Variants in RARB observed in about 807,000 individuals in gnomAD.
The protein encoded by RARB is retinoic acid receptor beta, also known as HBV-activated protein.
In RARB, 17 loss-of-function variants were observed where a neutral mutation model predicts 51.9. The ratio of observed to expected loss-of-function variants is 0.33; its 90% CI spans 0.22 to 0.49. RARB has a LOEUF of 0.49. RARB is among the 20% of genes least tolerant of loss of function. The probability of loss-of-function intolerance (pLI) is 0.99; values close to 1 mark genes in which losing one functional copy is unlikely to be tolerated. For synonymous variants in RARB, 215 were observed against 195.4 expected (o/e 1.10, Z -0.84); for missense variants, 369 against 550.8 (o/e 0.67, Z 3.30).
chr3:25,297,088 A>G (rs1246677127), intron 5 of RARB, among the ~76,000 whole-genome samples: 1 of 152,170 alleles, frequency 6.6e-6, no homozygotes, highest in Admixed American at 6.5e-5. Flanking sequence ...GTGTAGACTT[A>G]TAAGAGTTCC....
intron 2 of RARB, among the ~76,000 whole-genome samples, chr3:25,489,362 A>G (rs972015143): frequency 6.6e-6 from 1 of 152,240 alleles, no homozygotes; most frequent in Admixed American, 6.5e-5. Context: ...AATTTATGAT[A>G]TTAGAGTTTT....
chr3:25,202,058 T>C (rs2125371383), intron 5 of RARB, among the ~76,000 whole-genome samples: 1 of 152,348 alleles, frequency 6.6e-6, no homozygotes, highest in African/African-American at 2.4e-5. Flanking sequence ...TGAATCTGTC[T>C]GGTCCTGGAC....
chr3:24,895,862 C>A (rs73135570), intron 2 of RARB, among the ~76,000 whole-genome samples: 1 of 152,136 alleles, frequency 6.6e-6, no homozygotes, highest in East Asian at 1.9e-4. Flanking sequence ...CACAACCAGG[C>A]ATATACTCCC....
intron 5 of RARB, among the ~76,000 whole-genome samples, chr3:25,270,741 C>G (rs888489636): frequency 6.6e-6 from 1 of 152,130 alleles, no homozygotes; most frequent in African/African-American, 2.4e-5. Context: ...CTATTTTTAT[C>G]CCTCTAGTGC....
chr3:25,063,357 AT>A (rs1698589393), intron 3 of RARB, among the ~76,000 whole-genome samples: 1 of 152,056 alleles, frequency 6.6e-6, no homozygotes, highest in Non-Finnish European at 1.5e-5. Flanking sequence ...GAGATATCAG[AT>A]TTGAGACTCA....
At chr3:25,206,830 C>T (rs1413889810) in intron 5 of RARB, among the ~76,000 whole-genome samples, 4 of 152,152 alleles carry the variant, frequency 2.6e-5, no homozygotes, top group Non-Finnish European at 5.9e-5. Flanking sequence ...CATCCATGTT[C>T]ACCACTTACA....
At chr3:24,912,214 C>T (rs185955190) in intron 2 of RARB, among the ~76,000 whole-genome samples, 72 of 152,180 alleles carry the variant, frequency 4.7e-4, no homozygotes, top group Middle Eastern at 6.8e-3. Context: ...ATAGTGTCCA[C>T]GAGCTTTTGT....
intron 5 of RARB, among the ~76,000 whole-genome samples, chr3:25,202,212 T>G (rs1190150065): frequency 6.6e-6 from 1 of 152,214 alleles, no homozygotes; most frequent in Non-Finnish European, 1.5e-5. Flanking sequence ...ATTTTCTAGT[T>G]TATTTGCGTA....
intron 3 of RARB, among the ~76,000 whole-genome samples, chr3:25,509,913 C>T (rs1359498877): frequency 6.6e-6 from 1 of 152,162 alleles, no homozygotes; most frequent in South Asian, 2.1e-4. Context: ...CTGTGGCCTG[C>T]CTTCCTCCAG....
chr3:24,972,266 TTTCAC>T (rs1696416805), intron 2 of RARB, among the ~76,000 whole-genome samples: 1 of 151,952 alleles, frequency 6.6e-6, no homozygotes, highest in African/African-American at 2.4e-5. Flanking sequence ...GCCTCACTTA[TTTCAC>T]TTCACATAAC....
intron 3 of RARB, among the ~76,000 whole-genome samples, chr3:25,106,771 T>TTA (rs1699513704): frequency 6.6e-6 from 1 of 152,094 alleles, no homozygotes; most frequent in Non-Finnish European, 1.5e-5. Context: ...AAGTTAATCA[T>TTA]TATTACTAAC....
At chr3:24,981,834 G>A (rs1345395363) in intron 2 of RARB, among the ~76,000 whole-genome samples, 1 of 152,162 alleles carries the variant, frequency 6.6e-6, no homozygotes, top group Non-Finnish European at 1.5e-5. Context: ...AGGTACCTCA[G>A]TTGGAAATGC....
chr3:25,362,599 G>A (rs973524258), intron 5 of RARB, among the ~76,000 whole-genome samples: 2 of 152,190 alleles, frequency 1.3e-5, no homozygotes, highest in Admixed American at 6.5e-5. Context: ...GGCACTTGTG[G>A]GGTAGGCACC....
At chr3:24,843,235 C>T (rs1702441671) in intron 1 of RARB, among the ~76,000 whole-genome samples, 1 of 152,106 alleles carries the variant, frequency 6.6e-6, no homozygotes, top group Non-Finnish European at 1.5e-5. Flanking sequence ...ACGGCAGCTC[C>T]CAATTCAAAA....
intron 3 of RARB, among the ~76,000 whole-genome samples, chr3:25,075,854 G>T (rs1255649835): frequency 6.6e-6 from 1 of 152,148 alleles, no homozygotes; most frequent in African/African-American, 2.4e-5. Context: ...CTTATCAACT[G>T]ACCGATGAAT....
At chr3:25,380,591 G>GA (rs1293046522) in intron 5 of RARB, among the ~76,000 whole-genome samples, 1 of 147,122 alleles carries the variant, frequency 6.8e-6, no homozygotes, top group Non-Finnish European at 1.5e-5. Flanking sequence ...TCTTGCTCAA[G>GA]AAAAAAAATA....
chr3:25,553,289 C>T (rs1699919966), intron 3 of RARB, among the ~76,000 whole-genome samples: 1 of 152,138 alleles, frequency 6.6e-6, no homozygotes, highest in Admixed American at 6.5e-5. Context: ...GTGGCCTCTG[C>T]CACTGGCGCC....
chr3:25,404,113 T>G (rs1707340575), intron 5 of RARB, among the ~76,000 whole-genome samples: 1 of 152,118 alleles, frequency 6.6e-6, no homozygotes, highest in Non-Finnish European at 1.5e-5. Flanking sequence ...CGATTCTGAT[T>G]TGAGGAAAGC....
At chr3:25,086,462 T>A (rs888616199) in intron 3 of RARB, among the ~76,000 whole-genome samples, 1 of 152,112 alleles carries the variant, frequency 6.6e-6, no homozygotes, top group Admixed American at 6.6e-5. Flanking sequence ...TATGAAGAGT[T>A]TGAATTGTTG....
Sources: gnomAD v4.1 joint callset for allele counts (sites outside exome capture counted in the v4.1 genomes callset) on GRCh38, gnomAD v4.1.1 for gene constraint, MANE v1.5 for transcripts, NCBI Gene and HGNC (gene_info 2026-07-23, HGNC 2026-07-21) for gene names.